SLC39A10: variants seen among roughly 807,000 people sequenced by gnomAD.
The protein encoded by SLC39A10 is zinc transporter ZIP10.
Under a neutral mutation model 65.1 loss-of-function variants are expected in SLC39A10, and 13 were observed. That is an observed-to-expected ratio of 0.20 (90% CI 0.13 to 0.32). The LOEUF is 0.32. Among genes scored for constraint, SLC39A10 ranks in the 10% least tolerant of loss-of-function variants. The pLI is 1.00. For missense variants in SLC39A10, 831 were observed against 1,018.4 expected (o/e 0.82, Z 2.50); for synonymous variants, 321 against 342.2 (o/e 0.94, Z 0.68).
intron 5 of SLC39A10, among the ~76,000 whole-genome samples, chr2:195,713,086 T>C (rs908359041): frequency 2.0e-5 from 3 of 152,190 alleles, no homozygotes; most frequent in Non-Finnish European, 4.4e-5. Context: ...CAAGCTTTAG[T>C]TTTTTGGAAC....
intron 3 of SLC39A10, among the ~76,000 whole-genome samples, chr2:195,691,205 G>T (rs924757817): frequency 2.6e-5 from 4 of 151,994 alleles, no homozygotes; most frequent in African/African-American, 9.7e-5. Context: ...TGGCTGAGTA[G>T]TATTCCATGG....
intron 2 of SLC39A10, among the ~76,000 whole-genome samples, chr2:195,633,185 C>T (rs529528405): frequency 6.6e-6 from 1 of 152,248 alleles, no homozygotes; most frequent in East Asian, 1.9e-4. Context: ...CTGACCCCTT[C>T]ATGGGCAGGA....
chr2:195,663,387 A>G (rs748410384), intron 1 of SLC39A10, among the ~76,000 whole-genome samples: 3 of 152,218 alleles, frequency 2.0e-5, no homozygotes, highest in Admixed American at 6.5e-5. Flanking sequence ...ATAGAGGAAC[A>G]TAGCTTCTTG....
intron 1 of SLC39A10, among the ~76,000 whole-genome samples, chr2:195,676,856 C>T (rs1344942655): frequency 6.6e-6 from 1 of 152,168 alleles, no homozygotes; most frequent in Non-Finnish European, 1.5e-5. Context: ...TTTGTATATA[C>T]ACTTGGGAAG....
intron 9 of SLC39A10, among the ~76,000 whole-genome samples, chr2:195,730,598 C>T (rs904180237): frequency 2.0e-5 from 3 of 152,184 alleles, no homozygotes; most frequent in Non-Finnish European, 2.9e-5. Flanking sequence ...CCCCCTGCAT[C>T]TAAATGTTGG....
intron 2 of SLC39A10, among the ~76,000 whole-genome samples, chr2:195,642,500 A>G (rs796431831): frequency 1.3e-5 from 2 of 152,172 alleles, no homozygotes; most frequent in South Asian, 2.1e-4. Flanking sequence ...TCTGCTTGGG[A>G]CATTTTAAAT....
chr2:195,625,720 A>C (rs550738598), intron 2 of SLC39A10, among the ~76,000 whole-genome samples: 5 of 152,332 alleles, frequency 3.3e-5, no homozygotes, highest in Admixed American at 3.3e-4. Flanking sequence ...TATTTAAGAT[A>C]AGATCTTTGT....
intron 2 of SLC39A10, among the ~76,000 whole-genome samples, chr2:195,647,439 CACA>C (rs1016449136): frequency 1.1e-4 from 16 of 151,930 alleles, no homozygotes; most frequent in East Asian, 5.8e-4. Flanking sequence ...GCCCAAAACA[CACA>C]ACAAGATTGT....
chr2:195,728,293 C>T lies in SLC39A10; in HGVS notation c.2281C>T (p.Leu761Phe). Residue 761 changes from leucine (L) to phenylalanine (F), a missense_variant, in exon 9 of 10, where the codon CTT becomes TTT. Around this residue, in one of 4 missense-constraint regions of SLC39A10, gnomAD observed 120 missense variants for 203.9 expected, o/e 0.59. Coordinates refer to ENST00000359634, the MANE Select transcript of SLC39A10 (RefSeq NM_020342.3). This position sits in a 1 kb window ranked among gnomAD's most constrained non-coding sequence, Gnocchi z 4.4. ...AVGQYANNIT[L>F]WIFAVTAGMF... ...TGGTCAGTATGCCAATAACATCACA[C>T]TTTGGATCTTTGCAGTCACTGCAGG... 1 of 1,614,034 alleles carries T rather than the reference C, an allele frequency of 6.2e-7. No individual in the cohort carries two copies. The highest frequency in any genetic ancestry group is 8.5e-7 in the Non-Finnish European group (1 of 1,179,914).
intron 3 of SLC39A10, among the ~76,000 whole-genome samples, chr2:195,697,388 CTTCTT>C (rs953780425): frequency 6.6e-6 from 1 of 151,906 alleles, no homozygotes; most frequent in Non-Finnish European, 1.5e-5. Flanking sequence ...ATTTATTTGT[CTTCTT>C]TAATTTCTTT....
intron 2 of SLC39A10, among the ~76,000 whole-genome samples, chr2:195,632,038 G>A (rs1688595671): frequency 6.6e-6 from 1 of 151,978 alleles, no homozygotes; most frequent in South Asian, 2.1e-4. Context: ...ACAGGCATGT[G>A]CCACCATGCC....
intron 6 of SLC39A10, among the ~76,000 whole-genome samples, chr2:195,714,886 G>A (rs767782399): frequency 1.4e-4 from 21 of 152,008 alleles, no homozygotes; most frequent in Non-Finnish European, 2.8e-4. Flanking sequence ...CCGAGTAGCT[G>A]GGACTACAGG....
At position 195,708,745 on chromosome 2, in the gene SLC39A10, T is replaced by C. The variant is rs764853327; in HGVS notation, c.1476T>C (p.Tyr492=). The C allele has an allele frequency of 2.2e-5, 36 of 1,613,138 alleles. No individual in the cohort carries two copies. Among genetic ancestry groups the C allele is most frequent in the Non-Finnish European group, 2.5e-5 (30 of 1,179,556 alleles). The change falls in exon 5 of 10, where the codon TAT becomes TAC. Residue 492 remains tyrosine (Y), a synonymous_variant. Transcript: ENST00000359634. Reference sequence around the variant, plus strand: ...AATCTAACAAGTTTTTGGAAGAATATGATGCTGTATTGAAAGGACTTGTTG... The same window carrying C: ...AATCTAACAAGTTTTTGGAAGAATACGATGCTGTATTGAAAGGACTTGTTG... ...GHESNKFLEE[Y]DAVLKGLVAL...
chr2:195,703,012 A>G (rs1691252191), intron 3 of SLC39A10, among the ~76,000 whole-genome samples: 1 of 152,198 alleles, frequency 6.6e-6, no homozygotes, highest in Non-Finnish European at 1.5e-5. Flanking sequence ...AATGCTGCAT[A>G]TTGTATTCTT....
intron 2 of SLC39A10, among the ~76,000 whole-genome samples, chr2:195,630,259 C>T (rs1323272553): frequency 2.0e-5 from 3 of 150,274 alleles, no homozygotes; most frequent in African/African-American, 4.9e-5. Flanking sequence ...TCTTAGGATT[C>T]GATTACTTTA....
chr2:195,649,252 T>A (rs762592518), intron 2 of SLC39A10, among the ~76,000 whole-genome samples: 2 of 152,204 alleles, frequency 1.3e-5, no homozygotes, highest in Non-Finnish European at 2.9e-5. Flanking sequence ...ATACAAAATA[T>A]AATCCAAGCT....
rs184425715 is a variant in SLC39A10, at chr2:195,692,025, T to C, written c.1216+8119T>C. On this transcript the variant is annotated intron_variant, in intron 3 of 9. Transcript: ENST00000359634. ...TTGCTCCACCTTGAGTTGATTTTTT[T>C]ATAAGGTGAGAGCTGAGGATCCAGT... Among the ~76,000 whole-genome samples the C allele has an allele frequency of 1.8e-4, 27 of 152,372 alleles. No homozygotes were observed. In the East Asian group the frequency reaches 5.2e-3, roughly 29 times the overall value.
At chr2:195,709,000 T>C (rs1691506132) in intron 5 of SLC39A10, among the ~76,000 whole-genome samples, 156 bp downstream of exon 5, 1 of 152,124 alleles carries the variant, frequency 6.6e-6, no homozygotes, top group African/African-American at 2.4e-5. Flanking sequence ...ACTTTGGTTT[T>C]TTAAAATTAA....
At chr2:195,666,075 A>G (rs999250145) in intron 1 of SLC39A10, among the ~76,000 whole-genome samples, 5 of 152,326 alleles carry the variant, frequency 3.3e-5, no homozygotes, top group Non-Finnish European at 5.9e-5. Flanking sequence ...GCATATATTA[A>G]AAGACCCCAG....
Sources: allele counts gnomAD v4.1 joint callset (sites outside exome capture counted in the v4.1 genomes callset), GRCh38; gene constraint gnomAD v4.1.1; regional missense constraint gnomAD v4.1.1; non-coding constraint Gnocchi (gnomAD v3.1); transcripts MANE v1.5; gene names NCBI Gene and HGNC (gene_info 2026-07-23, HGNC 2026-07-21).